Variants in EFCAB8 observed in about 807,000 individuals in gnomAD.
EFCAB8 encodes EF-hand calcium binding domain 8, also known as EF-hand calcium-binding domain-containing protein 8.
A neutral mutation model predicts 116.3 loss-of-function variants in EFCAB8; 100 were observed. The ratio of observed to expected loss-of-function variants is 0.86; its 90% confidence interval spans 0.73 to 1.02. EFCAB8 has a LOEUF of 1.02. Among genes scored for constraint, EFCAB8 ranks in the 50% least tolerant of loss-of-function variants. The probability of loss-of-function intolerance (pLI) is 0.00; values close to 1 mark genes in which losing one functional copy is unlikely to be tolerated. For synonymous variants in EFCAB8, 558 were observed against 567.9 expected, an observed-to-expected ratio of 0.98 and a Z score of 0.25; for missense variants, 1,320 against 1,416.9, an observed-to-expected ratio of 0.93 and a Z score of 1.10.
intron 22 of EFCAB8, among the ~76,000 whole-genome samples, chr20:32,942,100 A>G (rs533044952): frequency 6.6e-6 from 1 of 152,290 alleles, no homozygotes; most frequent in South Asian, 2.1e-4. Context: ...ATCTTTGACA[A>G]CCTAAAGAAT....
chr20:32,929,746 T>C (rs1270402276), intron 20 of EFCAB8, among the ~76,000 whole-genome samples: 1 of 152,128 alleles, frequency 6.6e-6, no homozygotes, highest in Non-Finnish European at 1.5e-5. Flanking sequence ...TTCCCCCTTC[T>C]GGCCTGATTT....
intron 23 of EFCAB8, among the ~76,000 whole-genome samples, chr20:32,947,003 GCT>G (rs1373423596): frequency 6.6e-6 from 1 of 152,144 alleles, no homozygotes; most frequent in Non-Finnish European, 1.5e-5. Flanking sequence ...CCACTGTATG[GCT>G]CTGTCATAGT....
intron 22 of EFCAB8, among the ~76,000 whole-genome samples, chr20:32,932,635 G>A (rs1987951128): frequency 6.6e-6 from 1 of 152,030 alleles, no homozygotes; most frequent in African/African-American, 2.4e-5. Context: ...ACTTATACTG[G>A]TACTCATCTT....
chr20:32,881,769 G>A (rs76538728), intron 5 of EFCAB8, among the ~76,000 whole-genome samples: 3,534 of 152,182 alleles, frequency 0.023, 77 homozygotes, highest in Middle Eastern at 0.085. Context: ...TTCCAAACTC[G>A]CGAGCCATTT....
intron 22 of EFCAB8, among the ~76,000 whole-genome samples, chr20:32,938,793 T>C (rs1988220528): frequency 6.7e-6 from 1 of 149,832 alleles, no homozygotes; most frequent in Admixed American, 6.6e-5. Flanking sequence ...TAAATGGAAA[T>C]ACATCTCATG....
intron 20 of EFCAB8, among the ~76,000 whole-genome samples, chr20:32,921,361 T>TTGTG (rs71858676): frequency 0.075 from 9,641 of 129,110 alleles, 317 homozygotes; most frequent in African/African-American, 0.11. Context: ...CCCAGCTATT[T>TTGTG]TGTGTGTGTG....
At chr20:32,904,603 CTTTT>C (rs35810642) in intron 11 of EFCAB8, among the ~76,000 whole-genome samples, 3 of 96,316 alleles carry the variant, frequency 3.1e-5, no homozygotes, top group Admixed American at 1.2e-4. Context: ...CTGAATGGAG[CTTTT>C]TTTTTTTTTT....
At chr20:32,913,326 G>A (rs1423283392) in intron 17 of EFCAB8, among the ~76,000 whole-genome samples, 2 of 152,152 alleles carry the variant, frequency 1.3e-5, no homozygotes, top group Non-Finnish European at 2.9e-5. Flanking sequence ...TTACATGGTG[G>A]AAGGGTTAAG....
rs1281192673 is a variant in EFCAB8 at position 32,908,367 on chromosome 20, C to T, written c.1401C>T (p.Ala467=). 4 of 1,249,912 alleles carry T rather than the reference C, an allele frequency of 3.2e-6. No individual in the cohort carries two copies. Among genetic ancestry groups the T allele is most frequent in the Non-Finnish European group, 3.0e-6 (3 of 988,284 alleles). The allele number at this position is 1,249,912 out of a possible 1,614,324, so 77.4% of individuals were successfully genotyped here. A position where few individuals can be genotyped will look rare whatever the true frequency, so the allele number is the denominator to read the frequency against. ...TGGGAAACTGCCCCATCACCAGTGC[C>T]TACTTCTTCGAGAAGGACAATACCC... The part of the protein sequence containing the change: ...FALGNCPITS[A]YFFEKDNTLI... The change falls in exon 14 of 27, where the codon GCC becomes GCT. Residue 467 remains alanine (A), a synonymous_variant. Transcript: ENST00000400522.
In EFCAB8 at chr20:32,875,982, G is replaced by T; in HGVS notation, c.265G>T (p.Asp89Tyr). ...AMKKVLSSVSDEMLKELFLKV... is the reference protein window; with the variant it reads ...AMKKVLSSVSYEMLKELFLKV... ...GAAGAAGGTTCTGAGCAGTGTGTCGGACGAGATGCTAAAGGAGCTGTTTTT... is the reference window on the plus strand; with the variant it reads ...GAAGAAGGTTCTGAGCAGTGTGTCGTACGAGATGCTAAAGGAGCTGTTTTT... Residue 89 changes from aspartate to tyrosine, a missense_variant, in exon 4 of 27, where the codon GAC becomes TAC. By Grantham distance (160) the Asp-to-Tyr change is radical (BLOSUM62 -3). Coordinates refer to ENST00000400522, the MANE Select transcript of EFCAB8 (RefSeq NM_001143967.2). The T allele has an allele frequency of 3.2e-6, 5 of 1,552,164 alleles. No homozygotes were observed. Among genetic ancestry groups the T allele is most frequent in the Non-Finnish European group, 4.4e-6 (5 of 1,147,096 alleles).
rs2146239704 is a variant in EFCAB8, at chr20:32,908,377, G to A, written c.1411G>A (p.Glu471Lys). Residue 471 changes from glutamate (E) to lysine (K), a missense_variant, in exon 14 of 27, where the codon GAG becomes AAG. Physicochemically the swap from Glu to Lys is moderately conservative, Grantham distance 56. Coordinates refer to ENST00000400522, the MANE Select transcript of EFCAB8 (RefSeq NM_001143967.2). The part of the protein sequence containing the change: ...NCPITSAYFF[E>K]KDNTLICSTY... Reference sequence around the variant, plus strand: ...CCCCATCACCAGTGCCTACTTCTTCGAGAAGGACAATACCCTCATCTGCAG... The same window carrying A: ...CCCCATCACCAGTGCCTACTTCTTCAAGAAGGACAATACCCTCATCTGCAG... The A allele has an allele frequency of 1.6e-6, 2 of 1,249,958 alleles. No homozygotes were observed. Among genetic ancestry groups the A allele is most frequent in the South Asian group, 4.1e-5 (1 of 24,404 alleles). 77.4% of individuals were successfully genotyped at this position (1,249,958 alleles called of 1,614,324 possible).
intron 4 of EFCAB8, among the ~76,000 whole-genome samples, 196 bp from the exon 5 acceptor site, chr20:32,878,508 C>CTTTTTT (rs1292839813): frequency 1.7e-5 from 2 of 116,650 alleles, no homozygotes; most frequent in Non-Finnish European, 3.5e-5. Flanking sequence ...GGCTTGAGTT[C>CTTTTTT]TTTTTTTTTT....
In EFCAB8 at chr20:32,961,512, C is replaced by A; in HGVS notation, c.3770C>A (p.Thr1257Asn). Residue 1257 changes from threonine (T) to asparagine (N), a missense_variant, in exon 27 of 27, where the codon ACC becomes AAC. Thr to Asn is a moderately conservative substitution (Grantham distance 65, BLOSUM62 0). Coordinates refer to ENST00000400522, the MANE Select transcript of EFCAB8 (RefSeq NM_001143967.2). ...VSKSTLQGSV[T>N]PKHIVSSFER... ...AAGTCCACCCTGCAGGGGTCAGTGA[C>A]CCCCAAGCACATTGTCTCCTCCTTC... The A allele has an allele frequency of 2.1e-6, 3 of 1,428,006 alleles. No individual in the cohort carries two copies. Among genetic ancestry groups the A allele is most frequent in the Non-Finnish European group, 2.8e-6 (3 of 1,087,882 alleles). The allele number at this position is 1,428,006 out of a possible 1,614,324, so 88.5% of individuals were successfully genotyped here.
chr20:32,867,659 T>A lies in EFCAB8; in HGVS notation c.120T>A (p.Pro40=), dbSNP rs1383190751. The change falls in exon 3 of 27, where the codon CCT becomes CCA. Residue 40 remains proline (P), a synonymous_variant. Coordinates refer to ENST00000400522, the MANE Select transcript of EFCAB8 (RefSeq NM_001143967.2). ...CATCCATCACCCTTAGCCAGGTGCC[T>A]GACCTCCAGCCTGGGTCCCAGCTGT... is the stretch of plus-strand genomic sequence containing the variant. ...PTPSITLSQV[P]DLQPGSQLFT... 1 of 1,551,668 alleles carries A rather than the reference T, an allele frequency of 6.4e-7. No homozygotes were observed. Among genetic ancestry groups the A allele is most frequent in the African/African-American group, 1.4e-5 (1 of 73,148 alleles).
At chr20:32,941,841 G>A (rs67619707) in intron 22 of EFCAB8, among the ~76,000 whole-genome samples, 35,200 of 152,032 alleles carry the variant, frequency 0.23, 4,457 homozygotes, top group Middle Eastern at 0.3. Flanking sequence ...CTTTAAATTG[G>A]TAAATTTTTA....
rs6141850 is a variant in EFCAB8 at position 32,914,121 on chromosome 20, G to A, written c.1856+1257G>A. Among the ~76,000 whole-genome samples, 13 of 152,370 alleles carry A rather than the reference G, an allele frequency of 8.5e-5. No individual in the cohort carries two copies. The East Asian group carries it at 2.5e-3, about 29-fold the overall frequency. On this transcript the variant is annotated intron_variant, in intron 17 of 26. Transcript: ENST00000400522. ...CCCTGTCCTTTGAAATCTAGGTGGT[G>A]GAGGCAGCCATGTCCTCCCAGCTCT...
chr20:32,875,502 G>GTTTTTTTTTTCTTTTTTTT (rs1984917332), intron 3 of EFCAB8, among the ~76,000 whole-genome samples: 1 of 89,890 alleles, frequency 1.1e-5, no homozygotes, highest in Admixed American at 1.2e-4. Context: ...AAACATGGTG[G>GTTTTTTTTTTCTTTTTTTT]TTTTTTTTTT....
At position 32,911,603 on chromosome 20, in the gene EFCAB8, T is replaced by A. The variant is rs563027004; in HGVS notation, c.1681T>A (p.Ser561Thr). 2.6e-6 allele frequency: 4 copies of A among 1,551,290 alleles called. No homozygotes were observed. In the Admixed American group the frequency reaches 5.9e-5, roughly 23 times the overall value. ...GATGACCGCCATGGCCCTGGATGAG[T>A]CAGAGCGGTGCCTGCTCACAGGTTT... The part of the protein sequence containing the change: ...VEMTAMALDE[S>T]ERCLLTGLRD... The change falls in exon 16 of 27, where the codon TCA becomes ACA. Residue 561 changes from serine (S) to threonine (T), a missense_variant. Physicochemically the swap from Ser to Thr is moderately conservative, Grantham distance 58 (BLOSUM62 1). Transcript: ENST00000400522.
intron 3 of EFCAB8, among the ~76,000 whole-genome samples, chr20:32,869,650 C>A (rs1322856677): frequency 6.6e-6 from 1 of 152,148 alleles, no homozygotes; most frequent in African/African-American, 2.4e-5. Flanking sequence ...CCACCACACT[C>A]CAGGGGAGGG....
Sources: gnomAD v4.1 joint callset for allele counts (sites outside exome capture counted in the v4.1 genomes callset) on GRCh38, gnomAD v4.1.1 for gene constraint, MANE v1.5 for transcripts, NCBI Gene and HGNC (gene_info 2026-07-23, HGNC 2026-07-21) for gene names.